LDB2: variants seen among roughly 807,000 people sequenced by gnomAD.
LDB2 encodes the protein LIM domain binding 2, also known as LIM domain-binding protein 2.
A neutral mutation model predicts 44.3 loss-of-function variants in LDB2; 12 were observed. That is an observed-to-expected ratio of 0.27 (90% CI 0.17 to 0.44). The LOEUF (loss-of-function observed/expected upper bound fraction) is 0.44. Ranked by LOEUF, LDB2 falls within the 20% of genes least tolerant of loss-of-function variation. LDB2 has a pLI of 1.00. For synonymous variants in LDB2, 164 were observed against 174.8 expected, an observed-to-expected ratio of 0.94 and a Z score of 0.49; for missense variants, 344 against 473.5, an observed-to-expected ratio of 0.73 and a Z score of 2.54.
chr4:16,673,334 G>C lies in LDB2; in HGVS notation c.236-77459C>G, dbSNP rs557133880. ...ACTATGTTCAAAACACTGTGGAACTGAATCCCTAATTGTTGACTAAATGAA... is the reference window on the plus strand; with the variant it reads ...ACTATGTTCAAAACACTGTGGAACTCAATCCCTAATTGTTGACTAAATGAA... On this transcript the variant is annotated intron_variant, in intron 2 of 7. Coordinates refer to ENST00000304523, the MANE Select transcript of LDB2 (RefSeq NM_001290.5). Among the ~76,000 whole-genome samples, 182 of 152,278 alleles carry C rather than the reference G, an allele frequency of 1.2e-3. 1 individual carries two copies. In the South Asian group the frequency reaches 0.014, roughly 11 times the overall value.
chr4:16,530,218 G>C (rs995001199), intron 5 of LDB2, among the ~76,000 whole-genome samples: 1 of 152,186 alleles, frequency 6.6e-6, no homozygotes, highest in Non-Finnish European at 1.5e-5. Flanking sequence ...GCCTGACCTC[G>C]CACTGCTGCC....
At chr4:16,744,635 C>T (rs1406340295) in intron 2 of LDB2, among the ~76,000 whole-genome samples, 2 of 152,084 alleles carry the variant, frequency 1.3e-5, no homozygotes, top group Non-Finnish European at 2.9e-5. Context: ...CCACCATGCC[C>T]AGCTAATTTT....
chr4:16,827,752 T>C (rs1055907622), intron 1 of LDB2, among the ~76,000 whole-genome samples: 1 of 152,200 alleles, frequency 6.6e-6, no homozygotes, highest in Non-Finnish European at 1.5e-5. Context: ...CATATGTCTA[T>C]GCTTTGACAA....
chr4:16,860,048 C>T (rs1044717141), intron 1 of LDB2, among the ~76,000 whole-genome samples: 2 of 152,158 alleles, frequency 1.3e-5, no homozygotes, highest in African/African-American at 4.8e-5. Context: ...AGCAACATGG[C>T]CCTGGCTTTA....
intron 5 of LDB2, among the ~76,000 whole-genome samples, chr4:16,579,829 G>A (rs1713583330): frequency 6.6e-6 from 1 of 152,176 alleles, no homozygotes; most frequent in Admixed American, 6.5e-5. Context: ...ACACTCAAGA[G>A]ATATCTACTG....
intron 7 of LDB2, chr4:16,506,010 A>G (rs1719259659): frequency 6.5e-7 from 1 of 1,549,578 alleles, no homozygotes; most frequent in Non-Finnish European, 8.7e-7. Context: ...AGCAGAATCC[A>G]AGGATTAAAC....
At chr4:16,744,592 A>C (rs990883245) in intron 2 of LDB2, among the ~76,000 whole-genome samples, 45 of 151,950 alleles carry the variant, frequency 3.0e-4, no homozygotes, top group Non-Finnish European at 5.3e-4. Flanking sequence ...CTCCTGCCTC[A>C]GCCTCCCAAG....
intron 2 of LDB2, among the ~76,000 whole-genome samples, chr4:16,691,754 C>G (rs1320605085): frequency 6.6e-6 from 1 of 152,172 alleles, no homozygotes; most frequent in African/African-American, 2.4e-5. Context: ...CATTTTCTCA[C>G]TCTAAAATAA....
At chr4:16,754,584 G>A (rs1285856889) in intron 2 of LDB2, among the ~76,000 whole-genome samples, 2 of 150,778 alleles carry the variant, frequency 1.3e-5, no homozygotes, top group Admixed American at 6.6e-5. Context: ...CTGGAGTGCA[G>A]TGGCATGATC....
At chr4:16,609,595 G>C (rs971859196) in intron 2 of LDB2, among the ~76,000 whole-genome samples, 20 of 152,224 alleles carry the variant, frequency 1.3e-4, no homozygotes. Flanking sequence ...TCTGCGGCCA[G>C]AGTGCCTCTT....
intron 1 of LDB2, among the ~76,000 whole-genome samples, chr4:16,897,562 G>A (rs2110575492): frequency 1.3e-5 from 2 of 152,176 alleles, no homozygotes; most frequent in South Asian, 4.2e-4. Flanking sequence ...TCCCAGAGTT[G>A]CTGGCTGCCT....
intron 5 of LDB2, among the ~76,000 whole-genome samples, chr4:16,573,288 A>C (rs1407107462): frequency 3.9e-5 from 6 of 152,210 alleles, no homozygotes; most frequent in Admixed American, 3.9e-4. Flanking sequence ...TGGTTTCTGA[A>C]TCAGACTCAT....
intron 2 of LDB2, among the ~76,000 whole-genome samples, chr4:16,740,669 T>C (rs1763070705): frequency 6.6e-6 from 1 of 152,248 alleles, no homozygotes; most frequent in South Asian, 2.1e-4. Flanking sequence ...ATTGGAGAAC[T>C]GTGTTCAGGA....
intron 2 of LDB2, among the ~76,000 whole-genome samples, chr4:16,687,420 C>T (rs1198086746): frequency 2.0e-5 from 3 of 152,180 alleles, no homozygotes; most frequent in Non-Finnish European, 4.4e-5. Flanking sequence ...AGCAGGCTGT[C>T]ACTAGACACC....
chr4:16,512,102 C>G lies in LDB2; in HGVS notation c.618G>C (p.Leu206Phe), dbSNP rs768371945. The G allele has an allele frequency of 6.2e-7, 1 of 1,606,914 alleles. No homozygotes were observed. The highest frequency in any genetic ancestry group is 8.5e-7 in the Non-Finnish European group (1 of 1,175,854). Residue 206 changes from leucine to phenylalanine, a missense_variant and splice_region_variant, in exon 6 of 8, where the codon TTG (leucine) becomes TTC (phenylalanine). By Grantham distance (22) the Leu-to-Phe change is conservative. Transcript: ENST00000304523. ...CCTGCATTGGCTCCAATATTACACA[C>G]AACTGCAAGAAGTTCAAAGACATTG... ...LTNFTLNYLR[L>F]CVILEPMQEL... is the part of the protein sequence containing the mutation.
chr4:16,508,480 T>C, intron 7 of LDB2, 55 bp downstream of exon 7: 1 of 1,399,256 alleles, frequency 7.1e-7, no homozygotes, highest in Non-Finnish European at 9.4e-7. Flanking sequence ...TTTGGGCCCT[T>C]TGAGTAGGAA....
chr4:16,829,096 C>T (rs769883818), intron 1 of LDB2, among the ~76,000 whole-genome samples: 11 of 152,178 alleles, frequency 7.2e-5, no homozygotes, highest in Non-Finnish European at 1.6e-4. Flanking sequence ...CTCATTGCTT[C>T]CTTACTCATG....
chr4:16,630,513 T>C (rs866096121), intron 2 of LDB2, among the ~76,000 whole-genome samples: 1 of 152,102 alleles, frequency 6.6e-6, no homozygotes, highest in Non-Finnish European at 1.5e-5. Context: ...CAACGCCGTA[T>C]AAAGAAACGG....
In LDB2 at chr4:16,739,691, TATATAC is replaced by T. The variant is rs1400806477; in HGVS notation, c.235+19461_235+19466del. Among the ~76,000 whole-genome samples, 11 of 95,960 alleles carry T rather than the reference TATATAC, an allele frequency of 1.1e-4. 1 individual carries two copies. Among genetic ancestry groups the T allele is most frequent in the African/African-American group, 4.5e-4 (11 of 24,568 alleles). The allele number at this position is 95,960 out of a possible 152,430, so 63.0% of individuals were successfully genotyped here. A position where few individuals can be genotyped will look rare whatever the true frequency, so the allele number is the denominator to read the frequency against. ...ATATACATATGTGTGTATATATGTATATATACATATATGTGTATATATGTATATATA... is the reference window on the plus strand; with the variant it reads ...ATATACATATGTGTGTATATATGTATATATATGTGTATATATGTATATATA... On this transcript the variant is annotated intron_variant, in intron 2 of 7. Transcript: ENST00000304523.
Sources: gnomAD v4.1 joint callset for allele counts (sites outside exome capture counted in the v4.1 genomes callset) on GRCh38, gnomAD v4.1.1 for gene constraint, MANE v1.5 for transcripts, NCBI Gene and HGNC (gene_info 2026-07-23, HGNC 2026-07-21) for gene names.